AGBL4: variants seen among roughly 807,000 people sequenced by gnomAD.
The protein encoded by AGBL4 is cytosolic carboxypeptidase 6.
A neutral mutation model predicts 66.4 loss-of-function variants in AGBL4; 58 were observed. That is an observed-to-expected ratio of 0.87 (90% CI 0.71 to 1.09). The LOEUF is 1.09. Among genes scored for constraint, AGBL4 ranks in the 50% least tolerant of loss-of-function variants. AGBL4 has a pLI of 0.00. For missense variants in AGBL4, 579 were observed against 631.0 expected (o/e 0.92, Z 0.88); for synonymous variants, 234 against 222.9 (o/e 1.05, Z -0.44).
intron 4 of AGBL4, among the ~76,000 whole-genome samples, chr1:49,077,572 T>G (rs1644734431): frequency 6.6e-6 from 1 of 152,202 alleles, no homozygotes; most frequent in African/African-American, 2.4e-5. Context: ...GATGGCTTCT[T>G]ACTAACTTGT....
At chr1:49,925,590 G>C (rs528754079) in intron 1 of AGBL4, among the ~76,000 whole-genome samples, 8 of 151,978 alleles carry the variant, frequency 5.3e-5, no homozygotes, top group Admixed American at 2.0e-4. Flanking sequence ...TCTCTGATTC[G>C]GGCCATTGCT....
At chr1:48,557,934 CAG>C (rs10618232) in intron 11 of AGBL4, among the ~76,000 whole-genome samples, 100,294 of 151,858 alleles carry the variant, frequency 0.66, 33,643 homozygotes, top group Non-Finnish European at 0.74. Context: ...TCTTTGAGAA[CAG>C]AGACTACCTC....
chr1:48,963,772 G>A (rs1336867218), intron 5 of AGBL4, among the ~76,000 whole-genome samples: 3 of 152,042 alleles, frequency 2.0e-5, no homozygotes, highest in African/African-American at 7.2e-5. Context: ...AACAGATTAA[G>A]GTCAAAAGGA....
intron 1 of AGBL4, among the ~76,000 whole-genome samples, chr1:50,013,223 G>A (rs146055298): frequency 1.3e-5 from 2 of 152,168 alleles, no homozygotes; most frequent in Admixed American, 6.5e-5. Context: ...ATAGTCCTCT[G>A]TCTTAGGGCT....
At chr1:48,908,064 C>A (rs1652781984) in intron 5 of AGBL4, among the ~76,000 whole-genome samples, 1 of 152,110 alleles carries the variant, frequency 6.6e-6, no homozygotes, top group Non-Finnish European at 1.5e-5. Context: ...CTTTCTGCTT[C>A]CTCCAAAGTT....
In AGBL4 at chr1:49,111,113, ATTTTTTTT is replaced by A. The variant is rs5774039; in HGVS notation, c.378-65321_378-65314del. 1.9e-3 allele frequency among the ~76,000 whole-genome samples: 208 copies of A among 109,788 alleles called. 1 individual carries two copies. The highest frequency in any genetic ancestry group is 6.5e-3 in the African/African-American group (199 of 30,426). The allele number at this position is 109,788 out of a possible 152,430, so 72.0% of individuals were successfully genotyped here. A position where few individuals can be genotyped will look rare whatever the true frequency, so the allele number is the denominator to read the frequency against. ...TACATGTTTCCTTTCAATTCGTTGA[ATTTTTTTT>A]TTTTTTTTTTGAGATGGACTCTCGC... On this transcript the variant is annotated intron_variant, in intron 4 of 13. Transcript: ENST00000371839.
chr1:49,836,440 C>T (rs1389178730), intron 2 of AGBL4, among the ~76,000 whole-genome samples: 2 of 152,126 alleles, frequency 1.3e-5, no homozygotes, highest in African/African-American at 4.8e-5. Flanking sequence ...CATTTATGTT[C>T]TTCTCTAAAC....
intron 3 of AGBL4, among the ~76,000 whole-genome samples, chr1:49,488,713 T>C (rs1363019244): frequency 1.3e-5 from 2 of 151,876 alleles, no homozygotes; most frequent in Middle Eastern, 3.4e-3. Flanking sequence ...CTTCTTTTCC[T>C]GTGGTTATCT....
intron 4 of AGBL4, among the ~76,000 whole-genome samples, chr1:49,227,933 C>T (rs947452374): frequency 6.6e-6 from 1 of 152,070 alleles, no homozygotes; most frequent in African/African-American, 2.4e-5. Context: ...TAGATTACTC[C>T]CTGTCCCTTC....
intron 5 of AGBL4, among the ~76,000 whole-genome samples, chr1:48,873,142 G>A (rs748504683): frequency 2.0e-5 from 3 of 152,132 alleles, no homozygotes; most frequent in Non-Finnish European, 2.9e-5. Flanking sequence ...ATTCCTATAA[G>A]ACAAAATCTT....
At chr1:50,000,485 A>G (rs1295379218) in intron 1 of AGBL4, among the ~76,000 whole-genome samples, 1 of 152,208 alleles carries the variant, frequency 6.6e-6, no homozygotes, top group Non-Finnish European at 1.5e-5. Flanking sequence ...AATGTAAACT[A>G]GTACAACCAC....
At chr1:48,607,340 A>C (rs1645168754) in intron 9 of AGBL4, among the ~76,000 whole-genome samples, 1 of 152,166 alleles carries the variant, frequency 6.6e-6, no homozygotes. Context: ...TGAGCAGGCC[A>C]GGTGCGGTAG....
At chr1:49,441,224 T>A (rs1316872130) in intron 3 of AGBL4, among the ~76,000 whole-genome samples, 2 of 152,128 alleles carry the variant, frequency 1.3e-5, no homozygotes, top group Non-Finnish European at 2.9e-5. Flanking sequence ...GTTTTCTAAT[T>A]CATATAAACA....
downstream of AGBL4, among the ~76,000 whole-genome samples, chr1:48,529,169 C>T (rs965862026): frequency 3.9e-5 from 6 of 152,066 alleles, no homozygotes; most frequent in African/African-American, 1.5e-4. Context: ...TGGCTTGACA[C>T]TGATCCCTCA....
At chr1:48,986,933 A>T (rs1660222049) in intron 5 of AGBL4, among the ~76,000 whole-genome samples, 1 of 152,210 alleles carries the variant, frequency 6.6e-6, no homozygotes, top group African/African-American at 2.4e-5. Context: ...AAAGTTGTAT[A>T]CTACAAACCC....
intron 3 of AGBL4, among the ~76,000 whole-genome samples, chr1:49,660,380 G>C (rs187049938): frequency 6.6e-6 from 1 of 152,210 alleles, no homozygotes; most frequent in Admixed American, 6.5e-5. Flanking sequence ...TTAGAGAAAC[G>C]CAAATCAAAA....
chr1:49,407,950 GAA>G (rs1346965663), intron 3 of AGBL4, among the ~76,000 whole-genome samples: 1 of 152,162 alleles, frequency 6.6e-6, no homozygotes, highest in Non-Finnish European at 1.5e-5. Flanking sequence ...CCTTTACTGA[GAA>G]ATTCCCTCAG....
chr1:48,588,586 G>A (rs1169466341), intron 10 of AGBL4, among the ~76,000 whole-genome samples: 1 of 151,734 alleles, frequency 6.6e-6, no homozygotes, highest in African/African-American at 2.4e-5. Context: ...GGAGATAAAG[G>A]AAGAAGGAAA....
chr1:48,980,596 AG>A (rs1396571353), intron 5 of AGBL4, among the ~76,000 whole-genome samples: 1 of 151,480 alleles, frequency 6.6e-6, no homozygotes, highest in African/African-American at 2.4e-5. Context: ...GCTACTTGGG[AG>A]GGTGAGGCAG....
Sources: allele counts gnomAD v4.1 joint callset (sites outside exome capture counted in the v4.1 genomes callset), GRCh38; gene constraint gnomAD v4.1.1; transcripts MANE v1.5; gene names NCBI Gene and HGNC (gene_info 2026-07-23, HGNC 2026-07-21).